Variants in FOXN3 observed in about 807,000 individuals in gnomAD.
FOXN3 encodes the protein forkhead box protein N3.
In FOXN3, 7 loss-of-function variants were observed where a neutral mutation model predicts 38.4. That is an observed-to-expected ratio of 0.18 (90% CI 0.10 to 0.34). The LOEUF is 0.34. Among genes scored for constraint, FOXN3 ranks in the 10% least tolerant of loss-of-function variants. FOXN3 has a pLI of 1.00. For synonymous variants in FOXN3, 230 were observed against 242.2 expected, an observed-to-expected ratio of 0.95 and a Z score of 0.47; for missense variants, 456 against 613.4, an observed-to-expected ratio of 0.74 and a Z score of 2.71.
chr14:89,472,665 G>A (rs548778415), intron 1 of FOXN3, among the ~76,000 whole-genome samples: 1 of 147,130 alleles, frequency 6.8e-6, no homozygotes, highest in African/African-American at 2.5e-5. Flanking sequence ...AGCTTGCAGT[G>A]AGCCGAGATC....
At chr14:89,434,427 A>G (rs957565111) in intron 1 of FOXN3, among the ~76,000 whole-genome samples, 4 of 151,502 alleles carry the variant, frequency 2.6e-5, no homozygotes, top group African/African-American at 9.7e-5. Flanking sequence ...ACAGTGTTTC[A>G]CTGTGCTGGT....
intron 1 of FOXN3, among the ~76,000 whole-genome samples, chr14:89,465,403 T>C (rs1949063103): frequency 6.6e-6 from 1 of 152,216 alleles, no homozygotes; most frequent in South Asian, 2.1e-4. Flanking sequence ...CTAATTTTTG[T>C]ATTTTTAGTA....
At chr14:89,307,072 A>T (rs1887400409) in intron 3 of FOXN3, among the ~76,000 whole-genome samples, 1 of 152,180 alleles carries the variant, frequency 6.6e-6, no homozygotes, top group Admixed American at 6.5e-5. Flanking sequence ...TTTAAACGCG[A>T]CCAAAACAAA....
Position 89,415,883 on chromosome 14 carries a change from C to CACA in FOXN3, c.-15+987_-15+988insTGT, listed in dbSNP as rs60129607. On this transcript the variant is annotated intron_variant, in intron 1 of 5. Transcript: ENST00000557258. ...ACACACACACACACACACACACACACCCTCTTTTGTTTTTTTTATGACTTG... is the reference window on the plus strand; with the variant it reads ...ACACACACACACACACACACACACACACACCTCTTTTGTTTTTTTTATGACTTG... Among the ~76,000 whole-genome samples the CACA allele has an allele frequency of 1.8e-3, 266 of 148,274 alleles. 3 individuals are homozygous for CACA. The highest frequency in any genetic ancestry group is 8.8e-3 in the East Asian group (44 of 4,992).
intron 3 of FOXN3, among the ~76,000 whole-genome samples, chr14:89,281,262 C>T (rs1425373422): frequency 6.6e-6 from 1 of 152,134 alleles, no homozygotes; most frequent in African/African-American, 2.4e-5. Context: ...CTGGAATGAC[C>T]GACAGATACA....
At chr14:89,335,181 G>A (rs1888411870) in intron 3 of FOXN3, among the ~76,000 whole-genome samples, 1 of 152,016 alleles carries the variant, frequency 6.6e-6, no homozygotes, top group Admixed American at 6.6e-5. Context: ...TTTACAATGT[G>A]TGTATCACAA....
chr14:89,295,494 G>C (rs986159202), intron 3 of FOXN3, among the ~76,000 whole-genome samples: 1 of 152,176 alleles, frequency 6.6e-6, no homozygotes, highest in African/African-American at 2.4e-5. Flanking sequence ...CACGGAAGAT[G>C]GTTGTCATTA....
At chr14:89,181,971 C>G (rs1366550582) in intron 4 of FOXN3, among the ~76,000 whole-genome samples, 2 of 152,178 alleles carry the variant, frequency 1.3e-5, no homozygotes, top group African/African-American at 4.8e-5. Context: ...TGTCTACCAT[C>G]ATGGGTTCAA....
chr14:89,345,019 C>G (rs1447988746), intron 3 of FOXN3, among the ~76,000 whole-genome samples: 1 of 152,150 alleles, frequency 6.6e-6, no homozygotes, highest in African/African-American at 2.4e-5. Context: ...ACGCCAGAGT[C>G]TCCTTGGCAA....
At position 89,328,258 on chromosome 14, in the gene FOXN3, A is replaced by C. The variant is rs193073590; in HGVS notation, c.680+22414T>G. 6.0e-3 allele frequency among the ~76,000 whole-genome samples: 907 copies of C among 152,372 alleles called. 2 individuals are homozygous for C. Among genetic ancestry groups the C allele is most frequent in the Non-Finnish European group, 9.9e-3 (676 of 68,034 alleles). On this transcript the variant is annotated intron_variant, in intron 3 of 5. Coordinates refer to ENST00000557258, the MANE Select transcript of FOXN3 (RefSeq NM_005197.4). The stretch of plus-strand genomic sequence containing the variant: ...ACCCGCACAAAGCATGGCACACAGG[A>C]GTTCCAGCAGCCCTAGATGAATGGG...
At chr14:89,256,972 A>G (rs1885643727) in intron 4 of FOXN3, among the ~76,000 whole-genome samples, 1 of 152,198 alleles carries the variant, frequency 6.6e-6, no homozygotes, top group Non-Finnish European at 1.5e-5. Flanking sequence ...CCCTCAAGAT[A>G]TTCATTATTT....
At chr14:89,240,279 G>GAA (rs60891025) in intron 4 of FOXN3, among the ~76,000 whole-genome samples, 62 of 142,002 alleles carry the variant, frequency 4.4e-4, no homozygotes, top group African/African-American at 1.5e-3. Context: ...AATTCAATAG[G>GAA]AAAAAAAAAA....
intron 4 of FOXN3, among the ~76,000 whole-genome samples, chr14:89,256,018 G>A (rs10131514): frequency 0.013 from 1,921 of 152,184 alleles, 43 homozygotes; most frequent in African/African-American, 0.044. Context: ...GCAGGGTGGA[G>A]GTGGGTCTGA....
At chr14:89,239,684 C>T (rs956416646) in intron 4 of FOXN3, among the ~76,000 whole-genome samples, 3 of 152,170 alleles carry the variant, frequency 2.0e-5, no homozygotes, top group Admixed American at 1.3e-4. Flanking sequence ...TTAGCCCATG[C>T]CTCTACTGTC....
At chr14:89,360,797 C>CACCTCCAGCACT (rs1889511854) in intron 2 of FOXN3, among the ~76,000 whole-genome samples, 1 of 119,730 alleles carries the variant, frequency 8.4e-6, no homozygotes, top group Non-Finnish European at 1.7e-5. Context: ...CCACCACCAC[C>CACCTCCAGCACT]ACCTCCAGCA....
intron 1 of FOXN3, among the ~76,000 whole-genome samples, chr14:89,574,261 C>T (rs1895553555): frequency 6.6e-6 from 1 of 152,184 alleles, no homozygotes; most frequent in Non-Finnish European, 1.5e-5. Context: ...ACATCAGCAA[C>T]AAGGGTTCTA....
At chr14:89,530,465 T>C (rs1894534326) in intron 1 of FOXN3, among the ~76,000 whole-genome samples, 1 of 152,098 alleles carries the variant, frequency 6.6e-6, no homozygotes, top group South Asian at 2.1e-4. Flanking sequence ...GCTCCCATGA[T>C]TCAATTACCT....
intron 1 of FOXN3, among the ~76,000 whole-genome samples, chr14:89,414,170 C>T (rs1027286249): frequency 1.3e-5 from 2 of 151,698 alleles, no homozygotes; most frequent in African/African-American, 4.8e-5. Context: ...TACAAAAATT[C>T]GCTAGGTGTG....
intron 1 of FOXN3, among the ~76,000 whole-genome samples, chr14:89,571,299 A>G (rs1308982905): frequency 6.6e-6 from 1 of 152,154 alleles, no homozygotes; most frequent in African/African-American, 2.4e-5. Context: ...ATTTGAGGTC[A>G]GGAGTTTGAG....
Sources: allele counts gnomAD v4.1 joint callset (sites outside exome capture counted in the v4.1 genomes callset), GRCh38; gene constraint gnomAD v4.1.1; transcripts MANE v1.5; gene names NCBI Gene and HGNC (gene_info 2026-07-23, HGNC 2026-07-21).